USP15: variants seen among roughly 807,000 people sequenced by gnomAD.
The protein encoded by USP15 is ubiquitin carboxyl-terminal hydrolase 15.
USP15 carries 18 observed loss-of-function variants against 127.1 expected under a neutral mutation model. The observed-to-expected ratio is 0.14, with a 90% CI of 0.10 to 0.21. USP15 has a LOEUF of 0.21. Ranked by LOEUF, USP15 falls within the 10% of genes least tolerant of loss-of-function variation. The probability of loss-of-function intolerance (pLI) is 1.00; values close to 1 mark genes in which losing one functional copy is unlikely to be tolerated. For missense variants in USP15, 805 were observed against 1,159.9 expected (o/e 0.69, Z 4.44); for synonymous variants, 364 against 393.7 (o/e 0.92, Z 0.89).
intron 3 of USP15, chr12:62,312,307 A>T (rs1458030843): frequency 2.9e-6 from 1 of 341,346 alleles, no homozygotes; most frequent in Admixed American, 3.2e-5. Context: ...ACTTGGAATG[A>T]AGGTAAAGTT....
chr12:62,335,850 A>G, intron 6 of USP15: 1 of 985,342 alleles, frequency 1.0e-6, no homozygotes, highest in Non-Finnish European at 1.2e-6. Context: ...CTTTTTGATA[A>G]CCATCTTCTA....
chr12:62,330,159 C>T (rs763505198), intron 6 of USP15, among the ~76,000 whole-genome samples: 8 of 151,844 alleles, frequency 5.3e-5, no homozygotes. Context: ...AGAAGGAAAT[C>T]GGAGTAGAGA....
rs1056680403 is a variant in USP15 at position 62,413,264 on chromosome 12, T to C, written c.*8889T>C. On this transcript the variant is annotated 3_prime_UTR_variant, in exon 22 of 22. Transcript: ENST00000280377. ...TGGTTCCTTTTATAGAGCAAAAACA[T>C]TATATTTAGTTTAATTTTAAGGACC... 1 of 152,118 alleles carries C rather than the reference T, an allele frequency of 6.6e-6. No homozygotes were observed. Among genetic ancestry groups the C allele is most frequent in the Non-Finnish European group, 1.5e-5 (1 of 68,010 alleles). The allele number at this position is 152,118 out of a possible 1,614,324, so 9.4% of individuals were successfully genotyped here. A position where few individuals can be genotyped will look rare whatever the true frequency, so the allele number is the denominator to read the frequency against.
intron 11 of USP15, among the ~76,000 whole-genome samples, chr12:62,386,358 A>C (rs1304571361): frequency 2.0e-5 from 3 of 151,888 alleles, no homozygotes; most frequent in East Asian, 3.9e-4. Context: ...AAAAATATTG[A>C]ATATATATTA....
intron 20 of USP15, among the ~76,000 whole-genome samples, 197 bp downstream of exon 20, chr12:62,396,595 A>G (rs891652579): frequency 6.6e-6 from 1 of 151,946 alleles, no homozygotes; most frequent in African/African-American, 2.4e-5. Flanking sequence ...TGAGTTCATC[A>G]TACTCCTCAG....
Position 62,349,216 on chromosome 12 carries a change from TA to T in USP15, c.684-2del. On this transcript the variant is annotated splice_region_variant and splice_polypyrimidine_tract_variant and intron_variant, in intron 6 of 21. Transcript: ENST00000280377. ...ATCTAATTTAACATTTTCATATTTT[TA>T]AAGGTCCCCAGGTGCATCCAATTTT... is the stretch of plus-strand genomic sequence containing the variant. 6.9e-7 allele frequency: 1 copy of T among 1,443,464 alleles called. No homozygotes were observed. 89.4% of individuals were successfully genotyped at this position (1,443,464 alleles called of 1,614,324 possible).
chr12:62,309,071 C>T (rs2064575787), intron 3 of USP15, among the ~76,000 whole-genome samples: 1 of 151,990 alleles, frequency 6.6e-6, no homozygotes, highest in Admixed American at 6.6e-5. Flanking sequence ...TAAGAAGAAA[C>T]ATTATAATGT....
At chr12:62,375,396 GTCTC>G (rs1257880815) in intron 8 of USP15, among the ~76,000 whole-genome samples, 3 of 152,066 alleles carry the variant, frequency 2.0e-5, no homozygotes, top group African/African-American at 7.2e-5. Context: ...ACTGCTCTAA[GTCTC>G]TCTAAGGACT....
chr12:62,328,357 A>G (rs1369843931), intron 6 of USP15: 2 of 445,752 alleles, frequency 4.5e-6, no homozygotes, highest in Non-Finnish European at 9.1e-6. Context: ...GCAGCCTTAG[A>G]CATCATGTCA....
intron 6 of USP15, among the ~76,000 whole-genome samples, chr12:62,340,306 CTA>C (rs1176987122): frequency 3.3e-5 from 5 of 151,850 alleles, no homozygotes; most frequent in African/African-American, 1.2e-4. Context: ...AGCAGTCTAT[CTA>C]TTTTATTTTT....
At chr12:62,380,176 C>T (rs2066947659) in intron 8 of USP15, among the ~76,000 whole-genome samples, 1 of 151,754 alleles carries the variant, frequency 6.6e-6, no homozygotes. Flanking sequence ...CCAGTTGTCC[C>T]TTTTGCCTTG....
intron 6 of USP15, among the ~76,000 whole-genome samples, 167 bp from the exon 7 acceptor site, chr12:62,349,054 G>C (rs1202927280): frequency 1.3e-5 from 2 of 151,876 alleles, no homozygotes; most frequent in Non-Finnish European, 2.9e-5. Flanking sequence ...TTTTTATAAG[G>C]AATAATACAT....
chr12:62,338,315 T>C (rs188484578), intron 6 of USP15, among the ~76,000 whole-genome samples: 1 of 152,288 alleles, frequency 6.6e-6, no homozygotes, highest in East Asian at 1.9e-4. Flanking sequence ...TGCCCACTTT[T>C]TGATGGGATT....
chr12:62,406,073 G>A lies in USP15; in HGVS notation c.*1698G>A, dbSNP rs2067860287. On this transcript the variant is annotated 3_prime_UTR_variant, in exon 22 of 22. Coordinates refer to ENST00000280377, the MANE Select transcript of USP15 (RefSeq NM_001252078.2). ...GTTCACTTGAGTTTACATTTGAAAT[G>A]TGCATGTTTATTTATATAGATTTCA... is the stretch of plus-strand genomic sequence containing the variant. 6.7e-6 allele frequency: 1 copy of A among 149,160 alleles called. No homozygotes were observed. The highest frequency in any genetic ancestry group is 2.1e-4 in the South Asian group (1 of 4,680). The allele number at this position is 149,160 out of a possible 1,614,324, so 9.2% of individuals were successfully genotyped here. A position where few individuals can be genotyped will look rare whatever the true frequency, so the allele number is the denominator to read the frequency against.
intron 1 of USP15, among the ~76,000 whole-genome samples, chr12:62,289,215 CTTG>C (rs143937716): frequency 1.3e-3 from 190 of 150,628 alleles, no homozygotes; most frequent in African/African-American, 3.7e-3. Context: ...CTCTCCTGAG[CTTG>C]TTGTTGTTGT....
intron 6 of USP15, among the ~76,000 whole-genome samples, chr12:62,330,815 AC>A (rs2137324439): frequency 6.6e-6 from 1 of 150,954 alleles, no homozygotes; most frequent in East Asian, 2.0e-4. Flanking sequence ...AGTCTCAGCT[AC>A]TCCAGAAGCT....
At chr12:62,310,179 G>A (rs937113111) in intron 3 of USP15, among the ~76,000 whole-genome samples, 1 of 151,874 alleles carries the variant, frequency 6.6e-6, no homozygotes, top group Non-Finnish European at 1.5e-5. Flanking sequence ...ATTTTTATTT[G>A]TACAAATTAG....
chr12:62,371,386 TC>T (rs929324211), intron 8 of USP15, among the ~76,000 whole-genome samples: 9 of 152,166 alleles, frequency 5.9e-5, no homozygotes, highest in Non-Finnish European at 1.0e-4. Context: ...TTCTTTTATA[TC>T]CCCAGTGTTA....
intron 3 of USP15, among the ~76,000 whole-genome samples, chr12:62,310,896 T>C (rs1451770548): frequency 1.3e-5 from 2 of 152,058 alleles, no homozygotes; most frequent in Non-Finnish European, 2.9e-5. Flanking sequence ...ATCTGTTGTC[T>C]TTTGTCTTTT....
Sources: allele counts gnomAD v4.1 joint callset (sites outside exome capture counted in the v4.1 genomes callset), GRCh38; gene constraint gnomAD v4.1.1; transcripts MANE v1.5; gene names NCBI Gene and HGNC (gene_info 2026-07-23, HGNC 2026-07-21).